The following ZNF729 variants were observed in gnomAD, a reference collection of about 807,000 sequenced individuals.
ZNF729 encodes the protein zinc finger protein 729.
Under a neutral mutation model 12.2 loss-of-function variants are expected in ZNF729, and 15 were observed. The observed-to-expected ratio is 1.23, with a 90% CI of 0.82 to 1.89. The LOEUF is 1.89. Ranked by LOEUF, ZNF729 falls within the 40% of genes most tolerant of loss-of-function variation. The pLI is 0.00. For synonymous variants in ZNF729, 492 were observed against 476.3 expected (o/e 1.03, Z -0.43); for missense variants, 1,540 against 1,456.7 (o/e 1.06, Z -0.93).
intron 1 of ZNF729, among the ~76,000 whole-genome samples, chr19:22,291,587 T>C (rs1968155122): frequency 6.6e-6 from 1 of 152,196 alleles, no homozygotes; most frequent in Non-Finnish European, 1.5e-5. Context: ...AACCTGGGGT[T>C]CTGGACAACC....
intron 1 of ZNF729, among the ~76,000 whole-genome samples, chr19:22,288,196 A>G (rs1408299938): frequency 6.6e-6 from 1 of 152,062 alleles, no homozygotes; most frequent in Non-Finnish European, 1.5e-5. Flanking sequence ...ATTATTTTTT[A>G]ACAAAGCATT....
chr19:22,291,285 A>G (rs1406114197), intron 1 of ZNF729, among the ~76,000 whole-genome samples: 1 of 152,180 alleles, frequency 6.6e-6, no homozygotes, highest in African/African-American at 2.4e-5. Flanking sequence ...CTGTGATTTC[A>G]GATCTCCTCC....
In ZNF729 at chr19:22,286,562, G is replaced by T. The variant is rs1219667154; in HGVS notation, c.30+7G>T. Reference sequence around the variant, plus strand: ...CCCTGGCAGCCTAGAAATGGTGAGAGTGCCGGGTCCGACATCCCGAGAAGG... The same window carrying T: ...CCCTGGCAGCCTAGAAATGGTGAGATTGCCGGGTCCGACATCCCGAGAAGG... On this transcript the variant is annotated splice_region_variant and intron_variant, in intron 1 of 3. Transcript: ENST00000601693. The T allele has an allele frequency of 1.9e-6, 3 of 1,613,978 alleles. No individual in the cohort carries two copies. In the South Asian group the frequency reaches 3.3e-5, roughly 18 times the overall value.
Position 22,314,815 on chromosome 19 carries a change from C to T in ZNF729, c.1398C>T (p.Gly466=). The change falls in exon 4 of 4, where the codon GGC becomes GGT. Residue 466 remains glycine (G), a synonymous_variant. Coordinates refer to ENST00000601693, the MANE Select transcript of ZNF729 (RefSeq NM_001242680.2). The part of the protein sequence containing the change: ...GEKPYKCEEC[G]KAFRQSSHLT... ...AACCATACAAATGTGAAGAATGTGG[C>T]AAAGCTTTTAGGCAATCCTCACACC... 6.8e-6 allele frequency: 11 copies of T among 1,612,112 alleles called. No homozygotes were observed. The highest frequency in any genetic ancestry group is 8.5e-6 in the Non-Finnish European group (10 of 1,179,594).
Position 22,314,668 on chromosome 19 carries a change from A to G in ZNF729, c.1251A>G (p.Ser417=), listed in dbSNP as rs1404622413. 16 of 1,612,718 alleles carry G rather than the reference A, an allele frequency of 9.9e-6. No individual in the cohort carries two copies. The highest frequency in any genetic ancestry group is 1.4e-5 in the Non-Finnish European group (16 of 1,179,848). The change falls in exon 4 of 4, where the codon TCA becomes TCG. Residue 417 remains serine (S), a synonymous_variant. Transcript: ENST00000601693. The part of the protein sequence containing the change: ...EECGKAFSQF[S]TLKKHKIIHT... ...GTGGCAAAGCTTTTAGCCAGTTCTC[A>G]ACCCTTAAAAAACATAAGATAATTC...
rs1001271492 is a variant in ZNF729, at chr19:22,293,579, G to A, written c.30+7024G>A. On this transcript the variant is annotated intron_variant, in intron 1 of 3. Coordinates refer to ENST00000601693, the MANE Select transcript of ZNF729 (RefSeq NM_001242680.2). ...GTGATCTCGGCTCACTGCAACCTCCGCCTCCTGGGTTCAAGAGATTCTCCT... is the reference window on the plus strand; with the variant it reads ...GTGATCTCGGCTCACTGCAACCTCCACCTCCTGGGTTCAAGAGATTCTCCT... Among the ~76,000 whole-genome samples the A allele has an allele frequency of 3.1e-3, 378 of 120,232 alleles. 1 individual carries two copies. The highest frequency in any genetic ancestry group is 0.011 in the African/African-American group (336 of 31,054). 78.9% of individuals were successfully genotyped at this position (120,232 alleles called of 152,430 possible).
chr19:22,286,535 G>T lies in ZNF729; in HGVS notation c.10G>T (p.Ala4Ser). 1 of 1,613,798 alleles carries T rather than the reference G, an allele frequency of 6.2e-7. No homozygotes were observed. Among genetic ancestry groups the T allele is most frequent in the Non-Finnish European group, 8.5e-7 (1 of 1,179,982 alleles). MPG[A>S]PGSLEMGPLT... Reference sequence around the variant, plus strand: ...AAGATCCACAGCTAACATGCCAGGTGCCCCTGGCAGCCTAGAAATGGTGAG... The same window carrying T: ...AAGATCCACAGCTAACATGCCAGGTTCCCCTGGCAGCCTAGAAATGGTGAG... Residue 4 changes from alanine (A) to serine (S), a missense_variant, in exon 1 of 4, where the codon GCC (alanine) becomes TCC (serine). Coordinates refer to ENST00000601693, the MANE Select transcript of ZNF729 (RefSeq NM_001242680.2).
Position 22,317,010 on chromosome 19 carries a change from T to G in ZNF729, c.3593T>G (p.Ile1198Ser), listed in dbSNP as rs1968558019. ...YKCEECGKAF[I>S]QCSYLIRHKT... ...TGTGAAGAATGTGGCAAAGCTTTTATTCAGTGCTCATACCTTATTAGACAT... is the reference window on the plus strand; with the variant it reads ...TGTGAAGAATGTGGCAAAGCTTTTAGTCAGTGCTCATACCTTATTAGACAT... Residue 1198 changes from isoleucine to serine, a missense_variant, in exon 4 of 4, where the codon ATT (isoleucine) becomes AGT (serine). Ile to Ser is a moderately radical substitution (Grantham distance 142, BLOSUM62 -2). Transcript: ENST00000601693. 6.2e-7 allele frequency: 1 copy of G among 1,608,482 alleles called. No homozygotes were observed. Among genetic ancestry groups the G allele is most frequent in the African/African-American group, 1.4e-5 (1 of 73,540 alleles).
intron 3 of ZNF729, among the ~76,000 whole-genome samples, chr19:22,305,604 A>G (rs2145051812): frequency 6.6e-6 from 1 of 152,180 alleles, no homozygotes; most frequent in African/African-American, 2.4e-5. Flanking sequence ...TCATACTAGT[A>G]CTTGACTTAA....
At chr19:22,304,937 C>T (rs1968360732) in intron 3 of ZNF729, among the ~76,000 whole-genome samples, 154 bp downstream of exon 3, 1 of 152,186 alleles carries the variant, frequency 6.6e-6, no homozygotes, top group Non-Finnish European at 1.5e-5. Context: ...CACGTAGAGG[C>T]ATCTTCTGTC....
chr19:22,304,027 A>T, intron 2 of ZNF729, 143 bp downstream of exon 2: 2 of 697,256 alleles, frequency 2.9e-6, no homozygotes, highest in Non-Finnish European at 4.1e-6. Flanking sequence ...TTATAAGTGT[A>T]GAAAGGAATT....
At chr19:22,303,658 T>C (rs1323848092) in intron 1 of ZNF729, 100 bp from the exon 2 acceptor site, 3 of 1,174,558 alleles carry the variant, frequency 2.6e-6, no homozygotes, top group African/African-American at 1.6e-5. Flanking sequence ...TAAGTTAGAA[T>C]CTGTTCTCTT....
In ZNF729 at chr19:22,286,496, A is replaced by C. The variant is rs768751176; in HGVS notation, c.-30A>C. 71 of 1,612,784 alleles carry C rather than the reference A, an allele frequency of 4.4e-5. No homozygotes were observed. The highest frequency in any genetic ancestry group is 5.8e-5 in the Non-Finnish European group (68 of 1,179,868). On this transcript the variant is annotated 5_prime_UTR_variant, in exon 1 of 4. Transcript: ENST00000601693. Reference sequence around the variant, plus strand: ...TGTCCTCAGCCTCTGTGGCCCTGTAACCTGCGGCATTGGAAGATCCACAGC... The same window carrying C: ...TGTCCTCAGCCTCTGTGGCCCTGTACCCTGCGGCATTGGAAGATCCACAGC...
chr19:22,311,499 TTTGAAGGTTCCTTTTGGAG>T (rs1269229312), intron 3 of ZNF729, among the ~76,000 whole-genome samples: 1 of 152,174 alleles, frequency 6.6e-6, no homozygotes, highest in African/African-American at 2.4e-5. Flanking sequence ...TTTGCATGGT[TTTGAAGGTTCCTTTTGGAG>T]TTGAATTCCA....
At chr19:22,294,404 C>G (rs936504106) in intron 1 of ZNF729, among the ~76,000 whole-genome samples, 1 of 152,094 alleles carries the variant, frequency 6.6e-6, no homozygotes, top group African/African-American at 2.4e-5. Flanking sequence ...TAATGTAACG[C>G]CTCCAGCTTT....
intron 3 of ZNF729, among the ~76,000 whole-genome samples, chr19:22,308,069 T>G (rs1368747450): frequency 2.0e-5 from 3 of 152,104 alleles, no homozygotes; most frequent in Non-Finnish European, 4.4e-5. Context: ...CTTATGCCTT[T>G]GCATCCTCAT....
intron 3 of ZNF729, among the ~76,000 whole-genome samples, chr19:22,308,282 A>T (rs960813784): frequency 6.6e-6 from 1 of 152,096 alleles, no homozygotes; most frequent in Admixed American, 6.6e-5. Flanking sequence ...GGCAATGGGC[A>T]TTTGGGTTGG....
At chr19:22,300,160 T>A (rs1968286168) in intron 1 of ZNF729, among the ~76,000 whole-genome samples, 1 of 152,234 alleles carries the variant, frequency 6.6e-6, no homozygotes, top group Non-Finnish European at 1.5e-5. Context: ...CCTCCTTTCA[T>A]GAAGATGTGA....
At chr19:22,298,137 A>G (rs890335111) in intron 1 of ZNF729, among the ~76,000 whole-genome samples, 4 of 152,078 alleles carry the variant, frequency 2.6e-5, no homozygotes, top group African/African-American at 9.7e-5. Context: ...ACAAGGTATT[A>G]GCATAGTTAC....
Sources: gnomAD v4.1 joint callset for allele counts (sites outside exome capture counted in the v4.1 genomes callset) on GRCh38, gnomAD v4.1.1 for gene constraint, MANE v1.5 for transcripts, NCBI Gene and HGNC (gene_info 2026-07-23, HGNC 2026-07-21) for gene names.